PPP3R1: variants seen among roughly 807,000 people sequenced by gnomAD.
PPP3R1 encodes the protein calcineurin subunit B type 1.
PPP3R1 carries 5 observed loss-of-function variants against 22.6 expected under a neutral mutation model. The ratio of observed to expected loss-of-function variants is 0.22; its 90% CI spans 0.12 to 0.46. The LOEUF (loss-of-function observed/expected upper bound fraction) is 0.46, where lower values mean the gene tolerates loss of function less well. PPP3R1 is among the 20% of genes least tolerant of loss of function. PPP3R1 has a pLI of 0.99. For missense variants in PPP3R1, 61 were observed against 203.2 expected, an observed-to-expected ratio of 0.30 and a Z score of 4.25; for synonymous variants, 56 against 65.2, an observed-to-expected ratio of 0.86 and a Z score of 0.68.
chr2:68,202,425 TTG>T (rs1216230920), intron 2 of PPP3R1, among the ~76,000 whole-genome samples: 2 of 145,142 alleles, frequency 1.4e-5, no homozygotes, highest in African/African-American at 5.1e-5. Flanking sequence ...GTTGTTGTTG[TTG>T]TTGTTGTTGT....
At chr2:68,181,691 T>C (rs1009605210) in intron 5 of PPP3R1, among the ~76,000 whole-genome samples, 2 of 151,974 alleles carry the variant, frequency 1.3e-5, no homozygotes, top group African/African-American at 4.8e-5. Flanking sequence ...GTTTGCTCTG[T>C]AGTTTGCTGG....
At chr2:68,229,906 GTGTGTATA>G (rs1669853542) in intron 1 of PPP3R1, among the ~76,000 whole-genome samples, 1 of 151,470 alleles carries the variant, frequency 6.6e-6, no homozygotes. Context: ...ATACGGGTGT[GTGTGTATA>G]TGTGTATATA....
rs1231450498 is a variant in PPP3R1, at chr2:68,217,133, T to TG, written c.4-3dup. 2 of 1,587,368 alleles carry TG rather than the reference T, an allele frequency of 1.3e-6. No homozygotes were observed. Among genetic ancestry groups the TG allele is most frequent in the Non-Finnish European group, 8.6e-7 (1 of 1,161,752 alleles). On this transcript the variant is annotated splice_polypyrimidine_tract_variant and splice_region_variant and intron_variant, in intron 1 of 5. Coordinates refer to ENST00000234310, the MANE Select transcript of PPP3R1 (RefSeq NM_000945.4). Reference sequence around the variant, plus strand: ...CAAAGGATAACTTGCCTCATTTCCCTGGGGGGAAAGAAAGAAATAATTAGT... The same window carrying TG: ...CAAAGGATAACTTGCCTCATTTCCCTGGGGGGGAAAGAAAGAAATAATTAGT...
chr2:68,214,066 T>C (rs991967740), intron 2 of PPP3R1, among the ~76,000 whole-genome samples: 1 of 152,086 alleles, frequency 6.6e-6, no homozygotes, highest in African/African-American at 2.4e-5. Context: ...ATTCAATAAG[T>C]GGTGCTGGGA....
At chr2:68,199,319 T>C (rs1674907925) in intron 2 of PPP3R1, among the ~76,000 whole-genome samples, 1 of 152,230 alleles carries the variant, frequency 6.6e-6, no homozygotes, top group African/African-American at 2.4e-5. Flanking sequence ...TTTGGGTATA[T>C]TATCCTTGTA....
chr2:68,194,716 T>G (rs1674733700), intron 2 of PPP3R1, among the ~76,000 whole-genome samples: 1 of 152,070 alleles, frequency 6.6e-6, no homozygotes, highest in Non-Finnish European at 1.5e-5. Flanking sequence ...GTGTGAACTG[T>G]TTTAGGTGAT....
rs1262485072 is a variant in PPP3R1 at position 68,198,246 on chromosome 2, T to C, written c.44-9556A>G. 4.9e-5 allele frequency among the ~76,000 whole-genome samples: 7 copies of C among 143,568 alleles called. 1 individual carries two copies. The highest frequency in any genetic ancestry group is 1.0e-4 in the African/African-American group (4 of 39,196). 94.2% of individuals were successfully genotyped at this position (143,568 alleles called of 152,430 possible). On this transcript the variant is annotated intron_variant, in intron 2 of 5. Coordinates refer to ENST00000234310, the MANE Select transcript of PPP3R1 (RefSeq NM_000945.4). ...TTTTACATATATGTATACACATATG[T>C]ACATACATATGTATACATACATATG... is the stretch of plus-strand genomic sequence containing the variant.
chr2:68,219,784 T>G (rs149567475), intron 1 of PPP3R1, among the ~76,000 whole-genome samples: 1 of 152,304 alleles, frequency 6.6e-6, no homozygotes, highest in Non-Finnish European at 1.5e-5. Flanking sequence ...CATAAAATTA[T>G]ATCTAAATAT....
intron 1 of PPP3R1, among the ~76,000 whole-genome samples, chr2:68,246,067 C>CTTTTTTTTTTT (rs746584723): frequency 1.1e-4 from 8 of 73,798 alleles, no homozygotes; most frequent in Non-Finnish European, 1.4e-4. Flanking sequence ...TTCTTTCTTT[C>CTTTTTTTTTTT]TTTTTTTTTT....
At chr2:68,244,122 TTAAA>T (rs2103812566) in intron 1 of PPP3R1, among the ~76,000 whole-genome samples, 1 of 152,300 alleles carries the variant, frequency 6.6e-6, no homozygotes, top group Non-Finnish European at 1.5e-5. Flanking sequence ...TTCCCCTTCC[TTAAA>T]AGCTGAACTC....
At chr2:68,191,434 C>T (rs1377474497) in intron 2 of PPP3R1, among the ~76,000 whole-genome samples, 1 of 152,108 alleles carries the variant, frequency 6.6e-6, no homozygotes, top group Admixed American at 6.5e-5. Context: ...AAATGGTACA[C>T]CTGTATAGGG....
chr2:68,205,777 C>T (rs147488407), intron 2 of PPP3R1, among the ~76,000 whole-genome samples: 3 of 151,910 alleles, frequency 2.0e-5, no homozygotes, highest in Non-Finnish European at 2.9e-5. Context: ...TTGCAGTAGA[C>T]CAAGAAATTA....
At chr2:68,204,732 C>T (rs1397600433) in intron 2 of PPP3R1, among the ~76,000 whole-genome samples, 1 of 152,170 alleles carries the variant, frequency 6.6e-6, no homozygotes, top group East Asian at 1.9e-4. Context: ...TTTATGAAAA[C>T]AAATGGGGTG....
chr2:68,214,544 A>G (rs1297854470), intron 2 of PPP3R1, among the ~76,000 whole-genome samples: 9 of 152,186 alleles, frequency 5.9e-5, no homozygotes, highest in Admixed American at 4.6e-4. Context: ...CAACATCACT[A>G]ATCATTAGAG....
chr2:68,210,499 C>T (rs1164101441), intron 2 of PPP3R1, among the ~76,000 whole-genome samples: 1 of 152,180 alleles, frequency 6.6e-6, no homozygotes, highest in Non-Finnish European at 1.5e-5. Flanking sequence ...CCAATTTGTT[C>T]ATGATAATGG....
intron 1 of PPP3R1, among the ~76,000 whole-genome samples, chr2:68,241,513 A>C (rs1358780064): frequency 6.6e-6 from 1 of 152,212 alleles, no homozygotes; most frequent in African/African-American, 2.4e-5. Context: ...ATCTAAATTC[A>C]GATCTTCCCA....
chr2:68,178,995 TA>T lies in PPP3R1; in HGVS notation c.*1967del, dbSNP rs560363918. 0.04 allele frequency: 3,715 copies of T among 93,754 alleles called. 38 individuals are homozygous for T. Among genetic ancestry groups the T allele is most frequent in the Non-Finnish European group, 0.054 (2,638 of 48,824 alleles). 5.8% of individuals were successfully genotyped at this position (93,754 alleles called of 1,614,324 possible). ...CCCTTACCCACCCCCACACACAAAC[TA>T]AAAAAAAAAAAAAAAAAAAAGAAAA... On this transcript the variant is annotated 3_prime_UTR_variant, in exon 6 of 6. Transcript: ENST00000234310.
chr2:68,206,252 G>T lies in PPP3R1; in HGVS notation c.43+10840C>A, dbSNP rs151102783. 5.2e-3 allele frequency among the ~76,000 whole-genome samples: 797 copies of T among 152,242 alleles called. 6 individuals carry two copies. Among genetic ancestry groups the T allele is most frequent in the African/African-American group, 0.018 (765 of 41,538 alleles). On this transcript the variant is annotated intron_variant, in intron 2 of 5. Transcript: ENST00000234310. ...CTGAAGACATATGGGAAAATAAAGA[G>T]AAACTTAACAAAGTAAGATCCTAGA...
At chr2:68,203,310 G>C (rs1157156087) in intron 2 of PPP3R1, among the ~76,000 whole-genome samples, 2 of 152,116 alleles carry the variant, frequency 1.3e-5, no homozygotes, top group Admixed American at 1.3e-4. Flanking sequence ...AACAATAAAT[G>C]GCATTTTAGG....
Sources: gnomAD v4.1 joint callset for allele counts (sites outside exome capture counted in the v4.1 genomes callset) on GRCh38, gnomAD v4.1.1 for gene constraint, MANE v1.5 for transcripts, NCBI Gene and HGNC (gene_info 2026-07-23, HGNC 2026-07-21) for gene names.